Variants in RIBC2 observed in about 807,000 individuals in gnomAD.
The protein encoded by RIBC2 is RIB43A-like with coiled-coils protein 2.
A neutral mutation model predicts 44.3 loss-of-function variants in RIBC2; 40 were observed. That is an observed-to-expected ratio of 0.90 (90% CI 0.70 to 1.18). The LOEUF (loss-of-function observed/expected upper bound fraction) is 1.18. Ranked by LOEUF, RIBC2 falls within the 50% of genes most tolerant of loss-of-function variation. The pLI, the probability that RIBC2 is intolerant of heterozygous loss-of-function variation, is 0.00. For missense variants in RIBC2, 459 were observed against 485.5 expected (o/e 0.95, Z 0.51); for synonymous variants, 171 against 175.0 (o/e 0.98, Z 0.18).
At chr22:45,426,379 T>C (rs914160144) in intron 5 of RIBC2, among the ~76,000 whole-genome samples, 4 of 152,106 alleles carry the variant, frequency 2.6e-5, no homozygotes, top group African/African-American at 4.8e-5. Context: ...AGTGCCAAGA[T>C]AGAGGACAGT....
At chr22:45,420,302 C>T (rs1222203336) in intron 3 of RIBC2, among the ~76,000 whole-genome samples, 2 of 152,136 alleles carry the variant, frequency 1.3e-5, no homozygotes, top group African/African-American at 4.8e-5. Flanking sequence ...CTGTAGGGAT[C>T]ACCACTCTCC....
At chr22:45,414,902 G>A (rs546516801) in intron 2 of RIBC2, among the ~76,000 whole-genome samples, 82 of 152,196 alleles carry the variant, frequency 5.4e-4, no homozygotes, top group African/African-American at 1.9e-3. Context: ...GTTTAAGACC[G>A]TCTATGAAGG....
Position 45,413,841 on chromosome 22 carries a change from C to A in RIBC2, c.-46C>A. The A allele has an allele frequency of 1.3e-6, 2 of 1,507,312 alleles. No individual in the cohort carries two copies. Among genetic ancestry groups the A allele is most frequent in the Non-Finnish European group, 1.8e-6 (2 of 1,122,216 alleles). 93.4% of individuals were successfully genotyped at this position (1,507,312 alleles called of 1,614,324 possible). ...CGCTACAGCTTCCTTATTTTCGTCG[C>A]CTGTTCTCCTGATCCTGCGTGTTCT... On this transcript the variant is annotated 5_prime_UTR_variant, in exon 1 of 7. Transcript: ENST00000614167.
At chr22:45,415,774 A>G (rs1373210818) in intron 2 of RIBC2, among the ~76,000 whole-genome samples, 2 of 152,018 alleles carry the variant, frequency 1.3e-5, no homozygotes, top group Non-Finnish European at 2.9e-5. Flanking sequence ...ATCTCAGCTC[A>G]CCGCAACCTC....
Position 45,414,089 on chromosome 22 carries a change from A to T in RIBC2, c.129+74A>T, listed in dbSNP as rs1678047780. The T allele has an allele frequency of 2.0e-6, 3 of 1,534,262 alleles. No homozygotes were observed. The Admixed American group carries it at 6.0e-5, about 31-fold the overall frequency. On this transcript the variant is annotated intron_variant, in intron 1 of 6. Transcript: ENST00000614167. ...GGGGCTGCGTGGAGGGGGAAAGGAG[A>T]TGAGTTCTAGGATGAAACATCTGAG...
At chr22:45,425,454 G>A (rs1386954752) in intron 4 of RIBC2, among the ~76,000 whole-genome samples, 3 of 152,220 alleles carry the variant, frequency 2.0e-5, no homozygotes. Context: ...GGAACCCCCA[G>A]GGAATCAAAC....
At chr22:45,414,832 G>T (rs1193189768) in intron 2 of RIBC2, among the ~76,000 whole-genome samples, 1 of 151,970 alleles carries the variant, frequency 6.6e-6, no homozygotes, top group Non-Finnish European at 1.5e-5. Context: ...TAAAAAACTG[G>T]ATAGGAAAAG....
intron 4 of RIBC2, among the ~76,000 whole-genome samples, chr22:45,424,784 T>C (rs1204416908): frequency 3.3e-5 from 5 of 150,262 alleles, no homozygotes; most frequent in African/African-American, 9.8e-5. Flanking sequence ...GGTGGAGTCT[T>C]GTTCTCTTGC....
chr22:45,430,865 G>A (rs2087572805), intron 5 of RIBC2, 35 bp from the exon 6 acceptor site: 1 of 1,518,932 alleles, frequency 6.6e-7, no homozygotes, highest in Non-Finnish European at 8.8e-7. Flanking sequence ...TGGCTCTGGG[G>A]AAAGGTGGTG....
chr22:45,416,755 T>A (rs1236296783), intron 2 of RIBC2, among the ~76,000 whole-genome samples: 1 of 150,628 alleles, frequency 6.6e-6, no homozygotes, highest in Admixed American at 6.6e-5. Context: ...CCACCATGCC[T>A]GGCCGCAAAT....
At chr22:45,423,957 C>T (rs2087510241) in intron 4 of RIBC2, among the ~76,000 whole-genome samples, 2 of 152,126 alleles carry the variant, frequency 1.3e-5, no homozygotes, top group South Asian at 4.1e-4. Context: ...GATGATAATT[C>T]ACTCATTCAT....
chr22:45,424,034 T>G (rs1489880612), intron 4 of RIBC2, among the ~76,000 whole-genome samples: 1 of 152,070 alleles, frequency 6.6e-6, no homozygotes, highest in Non-Finnish European at 1.5e-5. Context: ...TGCTAAACCC[T>G]ATTGTCTCAT....
chr22:45,431,014 C>T lies in RIBC2; in HGVS notation c.1018C>T (p.Arg340Cys), dbSNP rs879084546. Residue 340 changes from arginine (R) to cysteine (C), a missense_variant, in exon 6 of 7, where the codon CGC becomes TGC. Arg to Cys is a radical substitution (Grantham distance 180, BLOSUM62 -3). Coordinates refer to ENST00000614167, the MANE Select transcript of RIBC2 (RefSeq NM_015653.5). ...RQQWRRQRDL[R>C]RALDSSNLSL... Reference sequence around the variant, plus strand: ...GCAGTGGCGGCGGCAGCGCGACCTGCGCAGAGCTCTGGACAGCAGCAACCT... The same window carrying T: ...GCAGTGGCGGCGGCAGCGCGACCTGTGCAGAGCTCTGGACAGCAGCAACCT... 1.9e-6 allele frequency: 3 copies of T among 1,589,592 alleles called. No homozygotes were observed. The highest frequency in any genetic ancestry group is 2.3e-5 in the East Asian group (1 of 43,116).
chr22:45,422,482 C>A (rs1602116420), intron 4 of RIBC2, 74 bp downstream of exon 4: 2 of 1,081,178 alleles, frequency 1.8e-6, no homozygotes, highest in East Asian at 4.7e-5. Flanking sequence ...CCAAGGCTCT[C>A]CGGCTTCCCT....
chr22:45,427,329 A>G (rs1204865000), intron 5 of RIBC2, among the ~76,000 whole-genome samples: 1 of 152,216 alleles, frequency 6.6e-6, no homozygotes, highest in Non-Finnish European at 1.5e-5. Context: ...CATCACATGC[A>G]TAGTCCAGCT....
intron 3 of RIBC2, among the ~76,000 whole-genome samples, chr22:45,419,679 G>C (rs2087459185): frequency 6.6e-6 from 1 of 150,592 alleles, no homozygotes; most frequent in African/African-American, 2.4e-5. Flanking sequence ...GCTACAGTGA[G>C]CCGTGATTGT....
At position 45,430,931 on chromosome 22, in the gene RIBC2, T is replaced by G; in HGVS notation, c.935T>G (p.Leu312Arg). 1 of 1,607,498 alleles carries G rather than the reference T, an allele frequency of 6.2e-7. No individual in the cohort carries two copies. ...RLQEEKRQRD[L>R]DWDRRRIQGA... ...CAGGAAGAAAAGCGCCAGCGAGACC[T>G]GGACTGGGACCGGCGGAGGATTCAG... The change falls in exon 6 of 7, where the codon CTG (leucine) becomes CGG (arginine). Residue 312 changes from leucine to arginine, a missense_variant. Leu to Arg is a moderately radical substitution (Grantham distance 102, BLOSUM62 -2). Coordinates refer to ENST00000614167, the MANE Select transcript of RIBC2 (RefSeq NM_015653.5).
At chr22:45,417,985 C>A (rs900226658) in intron 3 of RIBC2, 39 bp downstream of exon 3, 3 of 1,243,962 alleles carry the variant, frequency 2.4e-6, no homozygotes, top group Non-Finnish European at 3.3e-6. Context: ...TCAACGCTCT[C>A]TTCAACAAAC....
rs561491285 is a variant in RIBC2 at position 45,428,393 on chromosome 22, A to T, written c.903+2218A>T. Reference sequence around the variant, plus strand: ...GAAAGTTTTTGTTTGTCTTGATTGTAGAAATAACAGCATGCTTGTCATTCA... The same window carrying T: ...GAAAGTTTTTGTTTGTCTTGATTGTTGAAATAACAGCATGCTTGTCATTCA... On this transcript the variant is annotated intron_variant, in intron 5 of 6. Coordinates refer to ENST00000614167, the MANE Select transcript of RIBC2 (RefSeq NM_015653.5). Among the ~76,000 whole-genome samples, 5 of 152,326 alleles carry T rather than the reference A, an allele frequency of 3.3e-5. No individual in the cohort carries two copies. The South Asian group carries it at 1.0e-3, about 32-fold the overall frequency.
Sources: gnomAD v4.1 joint callset for allele counts (sites outside exome capture counted in the v4.1 genomes callset) on GRCh38, gnomAD v4.1.1 for gene constraint, MANE v1.5 for transcripts, NCBI Gene and HGNC (gene_info 2026-07-23, HGNC 2026-07-21) for gene names.